Variants in ETV1 observed in about 807,000 individuals in gnomAD.
ETV1 encodes the protein ETS variant transcription factor 1.
A neutral mutation model predicts 62.3 loss-of-function variants in ETV1; 27 were observed. The observed-to-expected ratio is 0.43, with a 90% confidence interval of 0.32 to 0.60. The LOEUF is 0.60. Ranked by LOEUF, ETV1 falls within the 20% of genes least tolerant of loss-of-function variation. ETV1 has a pLI of 0.06. For missense variants in ETV1, 605 were observed against 605.8 expected (o/e 1.00, Z 0.01); for synonymous variants, 222 against 199.6 (o/e 1.11, Z -0.94).
At chr7:13,968,057 T>C (rs953806584) in intron 6 of ETV1, among the ~76,000 whole-genome samples, 6 of 152,100 alleles carry the variant, frequency 3.9e-5, no homozygotes, top group Admixed American at 2.0e-4. Context: ...TATATTTCTA[T>C]CAAGTCCATT....
chr7:13,897,937 G>A (rs1445434643), intron 13 of ETV1, among the ~76,000 whole-genome samples: 1 of 152,124 alleles, frequency 6.6e-6, no homozygotes, highest in East Asian at 1.9e-4. Context: ...TTCCTTTGAC[G>A]GGTTGCTACT....
At chr7:13,983,267 A>T (rs539378131) in intron 5 of ETV1, among the ~76,000 whole-genome samples, 1 of 152,030 alleles carries the variant, frequency 6.6e-6, no homozygotes, top group Non-Finnish European at 1.5e-5. Context: ...TTTACATCAG[A>T]TATATACTGA....
Position 13,941,045 on chromosome 7 carries a change from C to T in ETV1, c.236-1799G>A, listed in dbSNP as rs112407904. Among the ~76,000 whole-genome samples, 618 of 152,056 alleles carry T rather than the reference C, an allele frequency of 4.1e-3. 6 individuals carry two copies. Among genetic ancestry groups the T allele is most frequent in the African/African-American group, 0.014 (578 of 41,488 alleles). ...TGTGTGTGTACATACATGTTTAGTA[C>T]GCCTATTCAAAGTAAAGAGAAAAGA... On this transcript the variant is annotated intron_variant, in intron 6 of 13. Coordinates refer to ENST00000430479, the MANE Select transcript of ETV1 (RefSeq NM_004956.5).
At chr7:13,933,694 C>T (rs544068247) in intron 8 of ETV1, among the ~76,000 whole-genome samples, 4 of 152,330 alleles carry the variant, frequency 2.6e-5, no homozygotes, top group African/African-American at 9.6e-5. Flanking sequence ...GGCCAGAGCC[C>T]TCTAAGAAAT....
intron 9 of ETV1, among the ~76,000 whole-genome samples, chr7:13,913,982 C>T (rs1464294624): frequency 6.7e-6 from 1 of 149,530 alleles, no homozygotes; most frequent in South Asian, 2.1e-4. Flanking sequence ...CCTCCCGGCT[C>T]AGGCCATTCT....
intron 9 of ETV1, among the ~76,000 whole-genome samples, chr7:13,915,114 T>C (rs1289086947): frequency 6.6e-6 from 1 of 152,176 alleles, no homozygotes; most frequent in African/African-American, 2.4e-5. Context: ...TATAAATATG[T>C]TTGATGTTGT....
chr7:13,895,820 G>C lies in ETV1; in HGVS notation c.*46C>G, dbSNP rs755146469. 8 of 1,321,848 alleles carry C rather than the reference G, an allele frequency of 6.1e-6. No individual in the cohort carries two copies. Among genetic ancestry groups the C allele is most frequent in the South Asian group, 1.2e-5 (1 of 81,832 alleles). The allele number at this position is 1,321,848 out of a possible 1,614,324, so 81.9% of individuals were successfully genotyped here. A position where few individuals can be genotyped will look rare whatever the true frequency, so the allele number is the denominator to read the frequency against. ...ATTCAGCAATTCTCTGTATCTTGCAGAAAAAAGGAAAAGCGCAAAAACGCC... is the reference window on the plus strand; with the variant it reads ...ATTCAGCAATTCTCTGTATCTTGCACAAAAAAGGAAAAGCGCAAAAACGCC... On this transcript the variant is annotated 3_prime_UTR_variant, in exon 14 of 14. Transcript: ENST00000430479.
intron 11 of ETV1, 30 bp from the exon 12 acceptor site, chr7:13,906,629 A>G (rs774900628): frequency 6.6e-7 from 1 of 1,516,884 alleles, no homozygotes; most frequent in Non-Finnish European, 8.9e-7. Flanking sequence ...AGTTTCTATT[A>G]TTAGCAATAC....
chr7:13,901,543 C>G (rs543642293), intron 12 of ETV1, among the ~76,000 whole-genome samples: 1 of 152,162 alleles, frequency 6.6e-6, no homozygotes, highest in East Asian at 1.9e-4. Context: ...TTAGTGATCT[C>G]CTTGTAAAGG....
At chr7:13,968,502 AG>A (rs1780536702) in intron 6 of ETV1, among the ~76,000 whole-genome samples, 1 of 151,214 alleles carries the variant, frequency 6.6e-6, no homozygotes, top group African/African-American at 2.4e-5. Flanking sequence ...TCTCACTGTA[AG>A]TATACAGAAT....
intron 6 of ETV1, among the ~76,000 whole-genome samples, chr7:13,968,436 A>T (rs1240547546): frequency 1.3e-5 from 2 of 151,748 alleles, no homozygotes; most frequent in Non-Finnish European, 2.9e-5. Flanking sequence ...AAAACCAAAA[A>T]TAGTGAAAAG....
upstream of ETV1, chr7:13,990,298 A>C (rs1413393991): frequency 6.6e-6 from 1 of 152,292 alleles, no homozygotes; most frequent in Non-Finnish European, 1.5e-5. Flanking sequence ...AGAAACATAA[A>C]GAATCTATAA....
At chr7:13,952,916 A>C (rs1443974974) in intron 6 of ETV1, among the ~76,000 whole-genome samples, 1 of 152,172 alleles carries the variant, frequency 6.6e-6, no homozygotes, top group Non-Finnish European at 1.5e-5. Flanking sequence ...GTACTAAATG[A>C]TCCTCATCTT....
intron 9 of ETV1, among the ~76,000 whole-genome samples, chr7:13,930,662 C>A (rs866779305): frequency 1.3e-5 from 2 of 152,036 alleles, no homozygotes; most frequent in African/African-American, 4.8e-5. Flanking sequence ...CCCACTCCCC[C>A]ACTTGACCCG....
At chr7:13,902,614 T>G (rs1399444790) in intron 12 of ETV1, among the ~76,000 whole-genome samples, 1 of 152,158 alleles carries the variant, frequency 6.6e-6, no homozygotes, top group African/African-American at 2.4e-5. Flanking sequence ...GAACCTTTAA[T>G]AGGCATAGCA....
In ETV1 at chr7:13,930,564, G is replaced by A. The variant is rs377123527; in HGVS notation, c.802+938C>T. On this transcript the variant is annotated intron_variant, in intron 9 of 13. Coordinates refer to ENST00000430479, the MANE Select transcript of ETV1 (RefSeq NM_004956.5). ...TCTCAATCTCCTGACCTCGTAATCC[G>A]CCCACCTCGGCCTCCCAAAGTGCTG... Among the ~76,000 whole-genome samples, 146 of 151,704 alleles carry A rather than the reference G, an allele frequency of 9.6e-4. 1 individual carries two copies. The highest frequency in any genetic ancestry group is 9.2e-3 in the South Asian group (44 of 4,800).
chr7:13,972,746 A>G (rs904303707), intron 6 of ETV1, among the ~76,000 whole-genome samples: 4 of 152,120 alleles, frequency 2.6e-5, no homozygotes, highest in African/African-American at 4.8e-5. Context: ...CCTGGCATGC[A>G]CTTGTAGGAA....
At chr7:13,905,199 G>A in intron 12 of ETV1, among the ~76,000 whole-genome samples, 1 of 151,822 alleles carries the variant, frequency 6.6e-6, no homozygotes, top group Non-Finnish European at 1.5e-5. Flanking sequence ...TCAAATTAGG[G>A]CATATTATCT....
At chr7:13,974,057 A>G (rs1187366265) in intron 6 of ETV1, among the ~76,000 whole-genome samples, 1 of 152,200 alleles carries the variant, frequency 6.6e-6, no homozygotes, top group Admixed American at 6.5e-5. Context: ...AAAGACACAA[A>G]TGTATCTAAA....
Sources: gnomAD v4.1 joint callset for allele counts (sites outside exome capture counted in the v4.1 genomes callset) on GRCh38, gnomAD v4.1.1 for gene constraint, MANE v1.5 for transcripts, NCBI Gene and HGNC (gene_info 2026-07-23, HGNC 2026-07-21) for gene names.